The following CACNA2D3 variants were observed in gnomAD, a reference collection of about 807,000 sequenced individuals.
CACNA2D3 encodes the protein voltage-dependent calcium channel subunit alpha-2/delta-3.
Under a neutral mutation model 160.6 loss-of-function variants are expected in CACNA2D3, and 60 were observed. The ratio of observed to expected loss-of-function variants is 0.37; its 90% CI spans 0.30 to 0.46. CACNA2D3 has a LOEUF of 0.46. Ranked by LOEUF, CACNA2D3 falls within the 20% of genes least tolerant of loss-of-function variation. CACNA2D3 has a pLI of 1.00. For missense variants in CACNA2D3, 1,205 were observed against 1,365.0 expected (o/e 0.88, Z 1.85); for synonymous variants, 558 against 492.9 (o/e 1.13, Z -1.75).
chr3:54,803,542 A>G (rs1379311413), intron 13 of CACNA2D3, among the ~76,000 whole-genome samples: 1 of 152,210 alleles, frequency 6.6e-6, no homozygotes, highest in African/African-American at 2.4e-5. Flanking sequence ...CCTCCAAGAA[A>G]TATGGGACTA....
chr3:54,930,419 T>G (rs566513040), intron 27 of CACNA2D3, among the ~76,000 whole-genome samples: 10 of 152,336 alleles, frequency 6.6e-5, no homozygotes, highest in African/African-American at 2.4e-4. Flanking sequence ...TTAAGGGGGC[T>G]TAGACAGACA....
intron 13 of CACNA2D3, among the ~76,000 whole-genome samples, chr3:54,796,603 A>G (rs1236226375): frequency 6.6e-6 from 1 of 152,248 alleles, no homozygotes; most frequent in Non-Finnish European, 1.5e-5. Flanking sequence ...CACTTAGACT[A>G]GAATCACAGC....
chr3:54,629,301 T>A (rs1699184146), intron 10 of CACNA2D3, among the ~76,000 whole-genome samples: 1 of 152,012 alleles, frequency 6.6e-6, no homozygotes, highest in Non-Finnish European at 1.5e-5. Flanking sequence ...CCACAGTTCA[T>A]AACTTGGATT....
rs544161119 is a variant in CACNA2D3, at chr3:54,435,607, G to A, written c.381+48833G>A. Among the ~76,000 whole-genome samples, 4 of 152,254 alleles carry A rather than the reference G, an allele frequency of 2.6e-5. No homozygotes were observed. In the East Asian group the frequency reaches 7.7e-4, roughly 29 times the overall value. ...CCCTTCTGCCACACCTTGGCAGGGG[G>A]AATGCCTGCAAAATGAAGAGATGAA... On this transcript the variant is annotated intron_variant, in intron 4 of 37. Transcript: ENST00000474759.
At chr3:54,473,773 A>G (rs989571501) in intron 4 of CACNA2D3, among the ~76,000 whole-genome samples, 2 of 152,338 alleles carry the variant, frequency 1.3e-5, no homozygotes, top group East Asian at 1.9e-4. Context: ...GCCAACAAAC[A>G]TATGAAAAAA....
intron 35 of CACNA2D3, among the ~76,000 whole-genome samples, chr3:55,060,641 A>G (rs1011717427): frequency 1.3e-5 from 2 of 152,194 alleles, no homozygotes; most frequent in Admixed American, 6.5e-5. Context: ...TATTATTGTC[A>G]TTATTTATAA....
At chr3:54,434,753 C>T (rs1358899694) in intron 4 of CACNA2D3, among the ~76,000 whole-genome samples, 6 of 152,130 alleles carry the variant, frequency 3.9e-5, no homozygotes, top group African/African-American at 1.4e-4. Context: ...GATTCTTCCC[C>T]CTTTCTTATG....
intron 2 of CACNA2D3, among the ~76,000 whole-genome samples, chr3:54,149,113 G>A (rs895091470): frequency 2.6e-5 from 4 of 152,044 alleles, no homozygotes; most frequent in Non-Finnish European, 5.9e-5. Context: ...TGCAGAATGT[G>A]CACTGGGGAG....
At chr3:54,576,815 C>G (rs1043459909) in intron 8 of CACNA2D3, among the ~76,000 whole-genome samples, 6 of 152,138 alleles carry the variant, frequency 3.9e-5, no homozygotes, top group Admixed American at 2.0e-4. Flanking sequence ...AGGAGGATTG[C>G]TCGAGCCCAG....
At chr3:55,011,490 A>C (rs1430859615) in intron 34 of CACNA2D3, among the ~76,000 whole-genome samples, 1 of 152,230 alleles carries the variant, frequency 6.6e-6, no homozygotes, top group Non-Finnish European at 1.5e-5. Context: ...CTAACACTAA[A>C]GACCATTTTA....
rs147431158 is a variant in CACNA2D3 at position 54,170,790 on chromosome 3, C to T, written c.204+47196C>T. On this transcript the variant is annotated intron_variant, in intron 2 of 37. Transcript: ENST00000474759. ...TAAAGCTTCTATTCTGTTTAAGAAA[C>T]CAAATTTTCATCAAACTTGAACTCA... Among the ~76,000 whole-genome samples the T allele has an allele frequency of 4.2e-3, 637 of 152,178 alleles. 3 individuals are homozygous for T. The highest frequency in any genetic ancestry group is 0.015 in the African/African-American group (608 of 41,500).
At chr3:54,451,644 T>C (rs1369915736) in intron 4 of CACNA2D3, among the ~76,000 whole-genome samples, 2 of 152,210 alleles carry the variant, frequency 1.3e-5, no homozygotes, top group Non-Finnish European at 2.9e-5. Flanking sequence ...CATTTTTTGC[T>C]AACTGGATAG....
intron 13 of CACNA2D3, among the ~76,000 whole-genome samples, chr3:54,781,871 G>A (rs754103825): frequency 2.2e-4 from 33 of 152,208 alleles, no homozygotes; most frequent in Admixed American, 3.9e-4. Flanking sequence ...GTCAGCTAAC[G>A]TTCTATTTGG....
At chr3:54,235,519 A>G (rs1038473202) in intron 2 of CACNA2D3, among the ~76,000 whole-genome samples, 1 of 152,204 alleles carries the variant, frequency 6.6e-6, no homozygotes, top group Admixed American at 6.5e-5. Context: ...CATTGTCACA[A>G]GAACAGCACC....
intron 4 of CACNA2D3, among the ~76,000 whole-genome samples, chr3:54,391,154 C>T (rs1699273330): frequency 6.6e-6 from 1 of 152,178 alleles, no homozygotes; most frequent in South Asian, 2.1e-4. Flanking sequence ...TTGCAACATT[C>T]ATGTGCTTCA....
At chr3:54,549,413 T>C (rs1165428940) in intron 5 of CACNA2D3, among the ~76,000 whole-genome samples, 1 of 152,176 alleles carries the variant, frequency 6.6e-6, no homozygotes, top group Non-Finnish European at 1.5e-5. Context: ...GCCACTGCAG[T>C]CTGGCCTGGG....
chr3:55,017,923 A>G (rs2292703), intron 34 of CACNA2D3, among the ~76,000 whole-genome samples: 114,066 of 152,154 alleles, frequency 0.75, 43,508 homozygotes, highest in African/African-American at 0.86. Context: ...GTAAGTCTGA[A>G]GTCAGAGACC....
intron 11 of CACNA2D3, among the ~76,000 whole-genome samples, chr3:54,686,093 G>C (rs1172326581): frequency 6.6e-6 from 1 of 152,186 alleles, no homozygotes; most frequent in African/African-American, 2.4e-5. Context: ...ATGAAATAGA[G>C]CAATCTCCCT....
chr3:54,346,343 G>T (rs1331406884), intron 3 of CACNA2D3, among the ~76,000 whole-genome samples: 1 of 152,144 alleles, frequency 6.6e-6, no homozygotes, highest in African/African-American at 2.4e-5. Context: ...TGTTGGAGTA[G>T]CCAGCATCCA....
Sources: gnomAD v4.1 joint callset for allele counts (sites outside exome capture counted in the v4.1 genomes callset) on GRCh38, gnomAD v4.1.1 for gene constraint, MANE v1.5 for transcripts, NCBI Gene and HGNC (gene_info 2026-07-23, HGNC 2026-07-21) for gene names.